HEMK2: variants seen among roughly 807,000 people sequenced by gnomAD.
The protein encoded by HEMK2 is HemK methyltransferase 2, ETF1 glutamine and histone H4 lysine.
the HEMK2 span, among the ~76,000 whole-genome samples, chr21:28,650,072 C>T: frequency 6.6e-6 from 1 of 152,084 alleles, no homozygotes; most frequent in Non-Finnish European, 1.5e-5. Context: ...AGGAAATGCA[C>T]TGAAGTGTAA....
chr21:28,600,486 C>G, the HEMK2 span, among the ~76,000 whole-genome samples: 4 of 152,334 alleles, frequency 2.6e-5, no homozygotes, highest in African/African-American at 9.6e-5. Context: ...ACCCTGGGCC[C>G]GGCCCATGAA....
chr21:28,799,245 A>G, the HEMK2 span, among the ~76,000 whole-genome samples: 1 of 152,226 alleles, frequency 6.6e-6, no homozygotes, highest in African/African-American at 2.4e-5. Flanking sequence ...TCATGGAGGA[A>G]GGTGAAAGGC....
At chr21:28,873,712 A>G in the HEMK2 span, 1 of 152,248 alleles carries the variant, frequency 6.6e-6, no homozygotes, top group Non-Finnish European at 1.5e-5. Context: ...GTAGTCAGGA[A>G]CAATCACCCA....
chr21:28,864,316 G>C, the HEMK2 span, among the ~76,000 whole-genome samples: 1 of 152,158 alleles, frequency 6.6e-6, no homozygotes, highest in Non-Finnish European at 1.5e-5. Flanking sequence ...TAAAGCAAAA[G>C]ACACCTTTGG....
the HEMK2 span, among the ~76,000 whole-genome samples, chr21:28,868,773 G>A: frequency 0.84 from 127,626 of 152,230 alleles, 53,957 homozygotes; most frequent in South Asian, 0.93. Context: ...ATTTTTAGTC[G>A]TATTATTAAA....
At chr21:28,759,554 T>C in the HEMK2 span, among the ~76,000 whole-genome samples, 1 of 152,258 alleles carries the variant, frequency 6.6e-6, no homozygotes, top group Admixed American at 6.5e-5. Context: ...GAAGGCATGA[T>C]TGATTCTGAA....
chr21:28,799,447 T>A, the HEMK2 span, among the ~76,000 whole-genome samples: 1 of 152,180 alleles, frequency 6.6e-6, no homozygotes, highest in African/African-American at 2.4e-5. Flanking sequence ...TAATTCAAGA[T>A]GAGATTTGGG....
At chr21:28,762,528 T>G in the HEMK2 span, among the ~76,000 whole-genome samples, 2 of 152,090 alleles carry the variant, frequency 1.3e-5, no homozygotes, top group African/African-American at 2.4e-5. Context: ...GAGTATGTAC[T>G]TTGACTAATG....
At chr21:28,576,223 A>T in the HEMK2 span, among the ~76,000 whole-genome samples, 2 of 152,214 alleles carry the variant, frequency 1.3e-5, no homozygotes, top group African/African-American at 4.8e-5. Flanking sequence ...TATGAGTTCC[A>T]GTTGCTCCAT....
chr21:28,831,726 G>A, the HEMK2 span, among the ~76,000 whole-genome samples: 1,778 of 37,942 alleles, frequency 0.047, 92 homozygotes, highest in African/African-American at 0.091. Flanking sequence ...AAGGAAGGAA[G>A]GAAGGAAGGA....
chr21:28,620,174 A>G, the HEMK2 span, among the ~76,000 whole-genome samples: 2 of 152,076 alleles, frequency 1.3e-5, no homozygotes, highest in African/African-American at 4.8e-5. Context: ...GTTTGCCAGT[A>G]TTTTATTGAG....
the HEMK2 span, among the ~76,000 whole-genome samples, chr21:28,664,180 A>C: frequency 6.6e-6 from 1 of 152,222 alleles, no homozygotes; most frequent in Non-Finnish European, 1.5e-5. Flanking sequence ...TTTGAGTATA[A>C]GAAAATCTTT....
the HEMK2 span, among the ~76,000 whole-genome samples, chr21:28,760,012 G>T: frequency 6.6e-6 from 1 of 152,166 alleles, no homozygotes; most frequent in Non-Finnish European, 1.5e-5. Flanking sequence ...GGACTGAATT[G>T]CCATCACTTG....
chr21:28,801,816 T>A, the HEMK2 span, among the ~76,000 whole-genome samples: 1 of 152,120 alleles, frequency 6.6e-6, no homozygotes, highest in African/African-American at 2.4e-5. Context: ...ATAACACTTA[T>A]AAGAAGAGAA....
the HEMK2 span, among the ~76,000 whole-genome samples, chr21:28,777,029 A>G: frequency 6.6e-6 from 1 of 152,168 alleles, no homozygotes; most frequent in Admixed American, 6.5e-5. Context: ...CTCAATATTA[A>G]CCATCACAGT....
At chr21:28,763,433 C>T in the HEMK2 span, among the ~76,000 whole-genome samples, 1 of 152,038 alleles carries the variant, frequency 6.6e-6, no homozygotes, top group African/African-American at 2.4e-5. Context: ...AAACAATCAG[C>T]TCTTGCGTGA....
chr21:28,812,143 A>G, the HEMK2 span, among the ~76,000 whole-genome samples: 1 of 152,242 alleles, frequency 6.6e-6, no homozygotes, highest in South Asian at 2.1e-4. Flanking sequence ...TGGTCTAGCC[A>G]GAAGTATTAA....
the HEMK2 span, among the ~76,000 whole-genome samples, chr21:28,861,096 T>C: frequency 6.6e-6 from 1 of 152,170 alleles, no homozygotes; most frequent in African/African-American, 2.4e-5. Flanking sequence ...CGAAACAGAT[T>C]CGTGAAGGCA....
the HEMK2 span, among the ~76,000 whole-genome samples, chr21:28,880,630 C>G: frequency 6.6e-6 from 1 of 151,934 alleles, no homozygotes; most frequent in Admixed American, 6.6e-5. Flanking sequence ...GTAATCCCAG[C>G]TACTGGGGAG....
Sources: allele counts gnomAD v4.1 joint callset (sites outside exome capture counted in the v4.1 genomes callset), GRCh38; gene constraint gnomAD v4.1.1; transcripts MANE v1.5; gene names NCBI Gene and HGNC (gene_info 2026-07-23, HGNC 2026-07-21).